Variants in CSGALNACT2 observed in about 807,000 individuals in gnomAD.
CSGALNACT2 encodes beta 4 GalNAcT-2.
CSGALNACT2 carries 35 observed loss-of-function variants against 55.3 expected under a neutral mutation model. The observed-to-expected ratio is 0.63, with a 90% CI of 0.48 to 0.84. The LOEUF (loss-of-function observed/expected upper bound fraction) is 0.84. Ranked by LOEUF, CSGALNACT2 falls within the 40% of genes least tolerant of loss-of-function variation. The pLI is 0.00. For missense variants in CSGALNACT2, 544 were observed against 657.5 expected (o/e 0.83, Z 1.89); for synonymous variants, 196 against 224.9 (o/e 0.87, Z 1.15).
intron 4 of CSGALNACT2, 32 bp downstream of exon 4, chr10:43,160,627 G>A: frequency 4.6e-6 from 4 of 869,566 alleles, no homozygotes; most frequent in Non-Finnish European, 7.8e-6. Flanking sequence ...TGAAGGCCTT[G>A]ATATATAACA....
intron 2 of CSGALNACT2, among the ~76,000 whole-genome samples, chr10:43,157,918 A>AG (rs1839051428): frequency 6.6e-6 from 1 of 151,646 alleles, no homozygotes; most frequent in Admixed American, 6.6e-5. Context: ...AGTCCCAGCT[A>AG]CTTGGGAGGC....
In CSGALNACT2 at chr10:43,183,290, T is replaced by C. The variant is rs758403990; in HGVS notation, c.1377T>C (p.Asp459=). The C allele has an allele frequency of 3.1e-6, 5 of 1,613,878 alleles. No homozygotes were observed. Among genetic ancestry groups the C allele is most frequent in the African/African-American group, 1.3e-5 (1 of 75,050 alleles). ...DMEVKGWGGE[D]VHLYRKYLHG... ...AAGTGAAAGGTTGGGGTGGAGAAGA[T>C]GTTCATCTTTATCGAAAATACTTAC... Residue 459 remains aspartate (D), a synonymous_variant, in exon 8 of 8, where the codon GAT becomes GAC. Transcript: ENST00000374466.
At chr10:43,176,068 T>C in intron 7 of CSGALNACT2, 36 bp downstream of exon 7, 1 of 1,500,308 alleles carries the variant, frequency 6.7e-7, no homozygotes, top group East Asian at 2.3e-5. Flanking sequence ...AGGACTTTAT[T>C]TACTCCAGAC....
intron 4 of CSGALNACT2, among the ~76,000 whole-genome samples, chr10:43,160,800 G>T (rs1229717948): frequency 6.6e-6 from 1 of 152,098 alleles, no homozygotes; most frequent in Non-Finnish European, 1.5e-5. Flanking sequence ...AAGCAGCCTG[G>T]CATGATGCTT....
At chr10:43,147,647 G>A (rs915551118) in intron 1 of CSGALNACT2, among the ~76,000 whole-genome samples, 13 of 152,014 alleles carry the variant, frequency 8.6e-5, no homozygotes, top group African/African-American at 3.1e-4. Context: ...GATGTGGAGT[G>A]GTATCTAATT....
intron 1 of CSGALNACT2, among the ~76,000 whole-genome samples, chr10:43,142,908 G>A (rs1838660315): frequency 1.3e-5 from 2 of 152,144 alleles, no homozygotes; most frequent in Admixed American, 6.5e-5. Context: ...ATAGATTTGA[G>A]TCTATTACCA....
rs754238648 is a variant in CSGALNACT2, at chr10:43,160,532, C to T, written c.917C>T (p.Thr306Ile). 6.3e-7 allele frequency: 1 copy of T among 1,592,800 alleles called. No individual in the cohort carries two copies. Among genetic ancestry groups the T allele is most frequent in the African/African-American group, 1.3e-5 (1 of 74,546 alleles). Residue 306 changes from threonine to isoleucine, a missense_variant, in exon 4 of 8, where the codon ACA becomes ATA. Thr to Ile is a moderately conservative substitution (Grantham distance 89, BLOSUM62 -1). Around this residue, in one of 2 missense-constraint regions of CSGALNACT2, gnomAD observed 374 missense variants for 401.3 expected, o/e 0.93. Coordinates refer to ENST00000374466, the MANE Select transcript of CSGALNACT2 (RefSeq NM_018590.5). ...CATCAAGACAAGAAGATTCATCTCACAGTGGTGTATTTTGGTAAAGAAGGA... is the reference window on the plus strand; with the variant it reads ...CATCAAGACAAGAAGATTCATCTCATAGTGGTGTATTTTGGTAAAGAAGGA... The part of the protein sequence containing the change: ...CIHQDKKIHL[T>I]VVYFGKEGLS...
intron 1 of CSGALNACT2, among the ~76,000 whole-genome samples, chr10:43,139,046 A>C (rs1489471520): frequency 6.6e-6 from 1 of 152,180 alleles, no homozygotes; most frequent in Non-Finnish European, 1.5e-5. Context: ...TGAGCAACGC[A>C]GGAAGCACGA....
At chr10:43,162,516 A>G (rs1839174621) in intron 4 of CSGALNACT2, 1 of 985,306 alleles carries the variant, frequency 1.0e-6, no homozygotes, top group Non-Finnish European at 1.2e-6. Context: ...GTTTTCCCCC[A>G]ACAGAGGAGA....
Position 43,164,054 on chromosome 10 carries a change from A to G in CSGALNACT2, c.1159+10A>G, listed in dbSNP as rs759153524. ...TTAAATGCTGAGCCAGGTGCGTAAA[A>G]TGTTGGTAGATGAGCTGACTATAGA... On this transcript the variant is annotated intron_variant, in intron 5 of 7. Transcript: ENST00000374466. 1.2e-6 allele frequency: 2 copies of G among 1,606,806 alleles called. No homozygotes were observed. Among genetic ancestry groups the G allele is most frequent in the Non-Finnish European group, 1.7e-6 (2 of 1,175,042 alleles).
At chr10:43,150,053 G>C (rs1455264627) in intron 1 of CSGALNACT2, among the ~76,000 whole-genome samples, 1 of 152,154 alleles carries the variant, frequency 6.6e-6, no homozygotes, top group Non-Finnish European at 1.5e-5. Flanking sequence ...GGCAACAAGA[G>C]CGAAACTCTG....
intron 7 of CSGALNACT2, among the ~76,000 whole-genome samples, chr10:43,177,814 GTGTT>G (rs1212101733): frequency 3.3e-5 from 5 of 152,202 alleles, no homozygotes; most frequent in African/African-American, 1.2e-4. Flanking sequence ...TGGTAATCCT[GTGTT>G]TGACCTTTTG....
intron 4 of CSGALNACT2, chr10:43,162,200 A>G (rs766148841): frequency 1.2e-5 from 6 of 519,192 alleles, no homozygotes; most frequent in Non-Finnish European, 1.9e-5. Flanking sequence ...CCTGTTGCAG[A>G]TTGGCTTCTT....
At position 43,185,028 on chromosome 10, in the gene CSGALNACT2, C is replaced by T. The variant is rs1839668678; in HGVS notation, c.*1486C>T. 6.6e-6 allele frequency: 1 copy of T among 151,966 alleles called. No individual in the cohort carries two copies. The highest frequency in any genetic ancestry group is 1.5e-5 in the Non-Finnish European group (1 of 67,982). The allele number at this position is 151,966 out of a possible 1,614,324, so 9.4% of individuals were successfully genotyped here. ...TTTTAAAAGATGTGTGAAATGTTCT[C>T]TGCAAAATAATTCAGGCCACTGTCT... is the stretch of plus-strand genomic sequence containing the variant. On this transcript the variant is annotated 3_prime_UTR_variant, in exon 8 of 8. Coordinates refer to ENST00000374466, the MANE Select transcript of CSGALNACT2 (RefSeq NM_018590.5).
intron 7 of CSGALNACT2, among the ~76,000 whole-genome samples, chr10:43,181,130 A>G (rs1445960786): frequency 6.6e-6 from 1 of 152,202 alleles, no homozygotes; most frequent in Non-Finnish European, 1.5e-5. Flanking sequence ...GGGGGTCCCA[A>G]TATGACCAGG....
chr10:43,171,921 A>T (rs1462790309), intron 6 of CSGALNACT2, among the ~76,000 whole-genome samples: 2 of 152,236 alleles, frequency 1.3e-5, no homozygotes, highest in African/African-American at 4.8e-5. Flanking sequence ...TCACATATTT[A>T]AATAGTCAGC....
intron 3 of CSGALNACT2, 95 bp from the exon 4 acceptor site, chr10:43,160,399 G>A (rs1839118065): frequency 5.9e-6 from 4 of 672,748 alleles, no homozygotes; most frequent in Non-Finnish European, 1.1e-5. Context: ...TGTCAGTAAT[G>A]CCTCATTTTC....
chr10:43,164,382 A>G (rs1839215116), intron 5 of CSGALNACT2, among the ~76,000 whole-genome samples: 1 of 152,138 alleles, frequency 6.6e-6, no homozygotes, highest in African/African-American at 2.4e-5. Context: ...TGTGTGTGAG[A>G]GTCTGAAGCA....
intron 1 of CSGALNACT2, among the ~76,000 whole-genome samples, chr10:43,145,809 A>G (rs1046717155): frequency 6.6e-6 from 1 of 152,174 alleles, no homozygotes; most frequent in Non-Finnish European, 1.5e-5. Flanking sequence ...TGCAAGGTCA[A>G]GGTTGTTTTA....
Sources: gnomAD v4.1 joint callset for allele counts (sites outside exome capture counted in the v4.1 genomes callset) on GRCh38, gnomAD v4.1.1 for gene constraint, gnomAD v4.1.1 regional missense constraint, MANE v1.5 for transcripts, NCBI Gene and HGNC (gene_info 2026-07-23, HGNC 2026-07-21) for gene names.